ZDHHC15: variants seen among roughly 807,000 people sequenced by gnomAD.
ZDHHC15 encodes zDHHC palmitoyltransferase 15, also known as palmitoyltransferase ZDHHC15.
In ZDHHC15, 19 loss-of-function variants were observed where a neutral mutation model predicts 31.7. The observed-to-expected ratio is 0.60, with a 90% CI of 0.42 to 0.88. The LOEUF (loss-of-function observed/expected upper bound fraction) is 0.88. Among genes scored for constraint, ZDHHC15 ranks in the 40% least tolerant of loss-of-function variants. The probability of loss-of-function intolerance (pLI) is 0.00; values close to 1 mark genes in which losing one functional copy is unlikely to be tolerated. For synonymous variants in ZDHHC15, 103 were observed against 90.0 expected (o/e 1.14, Z -0.82); for missense variants, 209 against 251.2 (o/e 0.83, Z 1.14).
In ZDHHC15 at chrX:75,413,985, G is replaced by A. The variant is rs185044386; in HGVS notation, c.967+3102C>T. ...GCCACCCATCCAATTTGAAGGAAAT[G>A]GATCCCAATTTGAATAGAGCAGAAA... On this transcript the variant is annotated intron_variant, in intron 10 of 11. Transcript: ENST00000373367. 5.3e-3 allele frequency among the ~76,000 whole-genome samples: 592 copies of A among 111,387 alleles called. 1 individual carries two copies. The highest frequency in any genetic ancestry group is 0.018 in the African/African-American group (565 of 30,670).
At chrX:75,421,317 T>C (rs955309903) in intron 9 of ZDHHC15, among the ~76,000 whole-genome samples, 1 of 80,672 alleles carries the variant, frequency 1.2e-5, no homozygotes, top group Non-Finnish European at 2.4e-5. Context: ...TAGTAAGCAC[T>C]TTCCCTTTTT....
At chrX:75,514,171 A>G (rs1434160932) in intron 1 of ZDHHC15, among the ~76,000 whole-genome samples, 1 of 112,948 alleles carries the variant, frequency 8.9e-6, no homozygotes, top group East Asian at 2.8e-4. Context: ...CACGCTATAC[A>G]AAAAAATAAG....
At chrX:75,486,519 G>A (rs2147996866) in intron 2 of ZDHHC15, among the ~76,000 whole-genome samples, 1 of 112,591 alleles carries the variant, frequency 8.9e-6, no homozygotes. Context: ...TGACCAGGTG[G>A]GCAGGCAGGC....
intron 3 of ZDHHC15, among the ~76,000 whole-genome samples, chrX:75,468,350 T>C (rs1231878542): frequency 8.9e-6 from 1 of 111,923 alleles, no homozygotes; most frequent in Non-Finnish European, 1.9e-5. Flanking sequence ...AGCCCTGGCA[T>C]AATGTTTTCA....
chrX:75,471,565 C>T (rs1006541029), intron 3 of ZDHHC15, among the ~76,000 whole-genome samples: 1 of 112,258 alleles, frequency 8.9e-6, no homozygotes, highest in Admixed American at 9.4e-5. Context: ...CCTCCTACAA[C>T]CAAGAAATTA....
chrX:75,392,974 T>C (rs1412326645), intron 10 of ZDHHC15, among the ~76,000 whole-genome samples: 1 of 109,310 alleles, frequency 9.1e-6, no homozygotes, highest in East Asian at 2.9e-4. Flanking sequence ...AAACCTTCAT[T>C]CCTGAAGGGT....
chrX:75,440,329 G>T (rs1406771516), intron 4 of ZDHHC15, among the ~76,000 whole-genome samples: 1 of 110,533 alleles, frequency 9.0e-6, no homozygotes, highest in African/African-American at 3.3e-5. Flanking sequence ...GCCCAGGCTG[G>T]AGTGCAGTGG....
chrX:75,468,932 G>T (rs2084457424), intron 3 of ZDHHC15, among the ~76,000 whole-genome samples: 1 of 111,599 alleles, frequency 9.0e-6, no homozygotes, highest in Admixed American at 9.6e-5. Flanking sequence ...TTGTTTATTT[G>T]TAGAAATTCT....
chrX:75,474,973 T>C (rs1416688661), intron 3 of ZDHHC15, among the ~76,000 whole-genome samples: 1 of 110,455 alleles, frequency 9.1e-6, no homozygotes, highest in East Asian at 2.8e-4. Flanking sequence ...GGCAGGAGAA[T>C]GGCGTGAACC....
Position 75,370,516 on chromosome X carries a change from T to C in ZDHHC15, c.*2462A>G, listed in dbSNP as rs1472951821. On this transcript the variant is annotated 3_prime_UTR_variant, in exon 12 of 12. Coordinates refer to ENST00000373367, the MANE Select transcript of ZDHHC15 (RefSeq NM_144969.3). ...CTGAGCCCCTGGTAAAACCCTGATTTATTTGGCTTTTTTTTTTTTTTTTTT... is the reference window on the plus strand; with the variant it reads ...CTGAGCCCCTGGTAAAACCCTGATTCATTTGGCTTTTTTTTTTTTTTTTTT... The C allele has an allele frequency of 1.6e-5, 1 of 62,406 alleles. No homozygotes were observed. Among genetic ancestry groups the C allele is most frequent in the Non-Finnish European group, 3.2e-5 (1 of 30,778 alleles). 5.1% of individuals were successfully genotyped at this position (62,406 alleles called of 1,213,427 possible).
At chrX:75,473,037 T>C (rs1173549770) in intron 3 of ZDHHC15, among the ~76,000 whole-genome samples, 1 of 112,081 alleles carries the variant, frequency 8.9e-6, no homozygotes, top group Non-Finnish European at 1.9e-5. Flanking sequence ...ATACAATACA[T>C]GGACTCATGG....
At chrX:75,455,343 C>A (rs1286186946) in intron 3 of ZDHHC15, among the ~76,000 whole-genome samples, 1 of 111,740 alleles carries the variant, frequency 8.9e-6, no homozygotes, top group East Asian at 2.8e-4. Context: ...GGATCCCTTC[C>A]TTACACCTTG....
At chrX:75,454,236 C>T (rs1265661948) in intron 3 of ZDHHC15, among the ~76,000 whole-genome samples, 2 of 111,739 alleles carry the variant, frequency 1.8e-5, no homozygotes, top group Non-Finnish European at 3.8e-5. Flanking sequence ...CATTCTTATA[C>T]ACCAATAACA....
At chrX:75,502,508 T>A (rs1434203494) in intron 2 of ZDHHC15, among the ~76,000 whole-genome samples, 1 of 112,064 alleles carries the variant, frequency 8.9e-6, no homozygotes, top group Non-Finnish European at 1.9e-5. Context: ...GAAAATTTAG[T>A]ATGCAAACCA....
chrX:75,393,479 T>C (rs150949325), intron 10 of ZDHHC15, among the ~76,000 whole-genome samples: 2,663 of 111,458 alleles, frequency 0.024, 33 homozygotes, highest in Non-Finnish European at 0.04. Context: ...AAAAGTATTA[T>C]GTATAGAGTC....
At chrX:75,392,109 A>G (rs772417972) in intron 10 of ZDHHC15, among the ~76,000 whole-genome samples, 1 of 112,217 alleles carries the variant, frequency 8.9e-6, no homozygotes, top group Non-Finnish European at 1.9e-5. Context: ...GAACTAATGG[A>G]ATATATCTAT....
intron 2 of ZDHHC15, among the ~76,000 whole-genome samples, chrX:75,484,764 A>C (rs777777590): frequency 8.9e-6 from 1 of 112,240 alleles, no homozygotes; most frequent in Admixed American, 9.5e-5. Context: ...AGGCTTATAC[A>C]TATATATTCT....
chrX:75,451,532 T>C (rs893840124), intron 3 of ZDHHC15, among the ~76,000 whole-genome samples: 1 of 112,188 alleles, frequency 8.9e-6, no homozygotes, highest in Non-Finnish European at 1.9e-5. Context: ...AGATATGCCA[T>C]TGATCTTCAA....
intron 3 of ZDHHC15, among the ~76,000 whole-genome samples, chrX:75,457,967 T>C (rs924679438): frequency 9.0e-6 from 1 of 111,239 alleles, no homozygotes; most frequent in African/African-American, 3.3e-5. Flanking sequence ...TGGGAGGTCC[T>C]GAAATCAATC....
Sources: allele counts gnomAD v4.1 joint callset (sites outside exome capture counted in the v4.1 genomes callset), GRCh38; gene constraint gnomAD v4.1.1; transcripts MANE v1.5; gene names NCBI Gene and HGNC (gene_info 2026-07-23, HGNC 2026-07-21).